The following ABCC4 variants were observed in gnomAD, a reference collection of about 807,000 sequenced individuals.
The protein encoded by ABCC4 is ATP-binding cassette sub-family C member 4.
In ABCC4, 102 loss-of-function variants were observed where a neutral mutation model predicts 168.5. The observed-to-expected ratio is 0.61, with a 90% CI of 0.52 to 0.71. The LOEUF (loss-of-function observed/expected upper bound fraction) is 0.71, where lower values mean the gene tolerates loss of function less well. ABCC4 is among the 30% of genes least tolerant of loss of function. ABCC4 has a pLI of 0.00. For synonymous variants in ABCC4, 617 were observed against 590.7 expected, an observed-to-expected ratio of 1.04 and a Z score of -0.65; for missense variants, 1,402 against 1,605.8, an observed-to-expected ratio of 0.87 and a Z score of 2.17.
intron 11 of ABCC4, among the ~76,000 whole-genome samples, chr13:95,178,304 A>G (rs1223332997): frequency 6.6e-6 from 1 of 152,256 alleles, no homozygotes; most frequent in East Asian, 1.9e-4. Flanking sequence ...ATCTATTTTA[A>G]TGCTGTAGCT....
chr13:95,268,488 T>C (rs898736480), intron 1 of ABCC4, among the ~76,000 whole-genome samples: 3 of 150,722 alleles, frequency 2.0e-5, no homozygotes, highest in Non-Finnish European at 4.4e-5. Context: ...CTCTTTGCAG[T>C]TGAGATAAGA....
intron 21 of ABCC4, among the ~76,000 whole-genome samples, chr13:95,080,161 C>T (rs1199579134): frequency 6.6e-6 from 1 of 152,126 alleles, no homozygotes; most frequent in Non-Finnish European, 1.5e-5. Flanking sequence ...GATGAACGAA[C>T]ATGGGACACA....
At chr13:95,127,016 T>G (rs187638947) in intron 19 of ABCC4, among the ~76,000 whole-genome samples, 177 of 151,926 alleles carry the variant, frequency 1.2e-3, no homozygotes, top group African/African-American at 3.5e-3. Flanking sequence ...ACCTAAGCTG[T>G]CAGTTATAAA....
At chr13:95,146,841 T>C (rs1395967231) in intron 19 of ABCC4, among the ~76,000 whole-genome samples, 1 of 152,222 alleles carries the variant, frequency 6.6e-6, no homozygotes, top group South Asian at 2.1e-4. Context: ...ATTCCAAATG[T>C]ATTGTACCTC....
chr13:95,270,568 G>T (rs1231206581), intron 1 of ABCC4, among the ~76,000 whole-genome samples: 1 of 152,142 alleles, frequency 6.6e-6, no homozygotes, highest in Non-Finnish European at 1.5e-5. Flanking sequence ...GAGAAAGGGA[G>T]GTCTACCAGC....
chr13:95,244,459 C>T (rs2040031054), intron 3 of ABCC4, among the ~76,000 whole-genome samples: 1 of 151,012 alleles, frequency 6.6e-6, no homozygotes, highest in East Asian at 1.9e-4. Context: ...TGGCGTGCAC[C>T]TGTGGTCCTA....
intron 4 of ABCC4, among the ~76,000 whole-genome samples, chr13:95,214,571 A>G (rs1329054151): frequency 6.6e-6 from 1 of 152,058 alleles, no homozygotes; most frequent in East Asian, 1.9e-4. Flanking sequence ...ACAGAACAAT[A>G]TTTACAGTGC....
At chr13:95,197,057 A>T (rs555910857) in intron 8 of ABCC4, among the ~76,000 whole-genome samples, 1 of 152,256 alleles carries the variant, frequency 6.6e-6, no homozygotes, top group South Asian at 2.1e-4. Context: ...CCTGCTGGGA[A>T]CCAGCTCAGG....
At chr13:95,170,653 G>T in intron 13 of ABCC4, 25 bp from the exon 14 acceptor site, 1 of 1,447,394 alleles carries the variant, frequency 6.9e-7, no homozygotes. Context: ...GGCACAGGGT[G>T]AAAAAATGCA....
Position 95,071,743 on chromosome 13 carries a change from A to G in ABCC4, c.3129T>C (p.Phe1043=), listed in dbSNP as rs1260206038. ...PAWPHEGVII[F]DNVNFMYSPG... is the part of the protein sequence containing the mutation. ...GACTGTACATGAAGTTCACATTGTC[A>G]AAGATTATCACTCCTTCATGGGGCC... is the stretch of plus-strand genomic sequence containing the variant. The change falls in exon 25 of 31, where the codon TTT becomes TTC. Residue 1043 remains phenylalanine, a synonymous_variant. Transcript: ENST00000645237. The G allele has an allele frequency of 6.2e-7, 1 of 1,606,694 alleles. No homozygotes were observed. The highest frequency in any genetic ancestry group is 1.3e-5 in the African/African-American group (1 of 74,706).
At chr13:95,073,104 A>T in intron 24 of ABCC4, 100 bp downstream of exon 24, 1 of 891,132 alleles carries the variant, frequency 1.1e-6, no homozygotes, top group Non-Finnish European at 1.7e-6. Context: ...GTTACCAAAG[A>T]TGTAAAAATA....
At chr13:95,203,057 C>T (rs2038677708) in intron 8 of ABCC4, among the ~76,000 whole-genome samples, 1 of 152,124 alleles carries the variant, frequency 6.6e-6, no homozygotes, top group South Asian at 2.1e-4. Flanking sequence ...CCTCAGGCTT[C>T]AGTTTCTTTA....
Position 95,218,999 on chromosome 13 carries a change from GAA to G in ABCC4, c.532-8220_532-8219del, listed in dbSNP as rs1566540088. 2.1e-4 allele frequency among the ~76,000 whole-genome samples: 23 copies of G among 110,396 alleles called. 2 individuals carry two copies. The highest frequency in any genetic ancestry group is 7.4e-4 in the Admixed American group (8 of 10,780). The allele number at this position is 110,396 out of a possible 152,430, so 72.4% of individuals were successfully genotyped here. A position where few individuals can be genotyped will look rare whatever the true frequency, so the allele number is the denominator to read the frequency against. On this transcript the variant is annotated intron_variant, in intron 4 of 30. Transcript: ENST00000645237. Reference sequence around the variant, plus strand: ...AAAGAAAGAAAGAGTGAGAAAGAAAGAAAGAGTGAGAAAGAAAGGAAGGAAGG... The same window carrying G: ...AAAGAAAGAAAGAGTGAGAAAGAAAGAGAGTGAGAAAGAAAGGAAGGAAGG...
At position 95,177,711 on chromosome 13, in the gene ABCC4, C is replaced by T. The variant is rs781506182; in HGVS notation, c.1723G>A (p.Glu575Lys). 8.1e-6 allele frequency: 13 copies of T among 1,607,850 alleles called. No individual in the cohort carries two copies. Among genetic ancestry groups the T allele is most frequent in the South Asian group, 1.1e-5 (1 of 90,478 alleles). ...VDAEVSRHLF[E>K]LCICQILHEK... is the part of the protein sequence containing the mutation. Reference sequence around the variant, plus strand: ...TTAAGACACAAACACACTCACAGTTCGAACAAGTGTCTGCTAACTTCCGCA... The same window carrying T: ...TTAAGACACAAACACACTCACAGTTTGAACAAGTGTCTGCTAACTTCCGCA... The change falls in exon 13 of 31, where the codon GAA (glutamate) becomes AAA (lysine). Residue 575 changes from glutamate to lysine, a missense_variant. Glu to Lys is a moderately conservative substitution (Grantham distance 56, BLOSUM62 1). Around this residue, in one of 3 missense-constraint regions of ABCC4, gnomAD observed 1,007 missense variants for 1,127.3 expected, o/e 0.89. Transcript: ENST00000645237.
At chr13:95,132,275 G>C (rs1001559280) in intron 19 of ABCC4, among the ~76,000 whole-genome samples, 1 of 152,134 alleles carries the variant, frequency 6.6e-6, no homozygotes, top group African/African-American at 2.4e-5. Context: ...GAGTGTAGTG[G>C]CGTGATCTCG....
At chr13:95,251,684 C>T (rs1455734611) in intron 1 of ABCC4, among the ~76,000 whole-genome samples, 3 of 152,182 alleles carry the variant, frequency 2.0e-5, no homozygotes, top group Admixed American at 2.0e-4. Flanking sequence ...GGTTTGTGCT[C>T]AGACCTGCAG....
At position 95,247,813 on chromosome 13, in the gene ABCC4, C is replaced by G. The variant is rs756343609; in HGVS notation, c.75-60G>C. 9 of 1,386,530 alleles carry G rather than the reference C, an allele frequency of 6.5e-6. No individual in the cohort carries two copies. The African/African-American group carries it at 1.0e-4, about 15-fold the overall frequency. The allele number at this position is 1,386,530 out of a possible 1,614,324, so 85.9% of individuals were successfully genotyped here. A position where few individuals can be genotyped will look rare whatever the true frequency, so the allele number is the denominator to read the frequency against. The stretch of plus-strand genomic sequence containing the variant: ...TTACACATCCGTGTTTAAGTAGACT[C>G]CTACCTCCATGGGTTTTGCTTAAAC... On this transcript the variant is annotated intron_variant, in intron 1 of 30. Transcript: ENST00000645237.
chr13:95,218,917 GAGAAAGAAAGAGAAAGAA>G (rs2039207640), intron 4 of ABCC4, among the ~76,000 whole-genome samples: 6 of 36,042 alleles, frequency 1.7e-4, no homozygotes, highest in Non-Finnish European at 2.8e-4. Context: ...GAGAGAGAGA[GAGAAAGAAAGAGAAAGAA>G]AGAAAGAAAG....
chr13:95,234,595 C>T lies in ABCC4; in HGVS notation c.531+15G>A, dbSNP rs2039710551. ...CTTCAGGTGAGGTACATGTTTAATG[C>T]TGAATGTCACTTACCTTCCGATAAA... On this transcript the variant is annotated intron_variant, in intron 4 of 30. Coordinates refer to ENST00000645237, the MANE Select transcript of ABCC4 (RefSeq NM_005845.5). 3 of 1,603,202 alleles carry T rather than the reference C, an allele frequency of 1.9e-6. No individual in the cohort carries two copies. Among genetic ancestry groups the T allele is most frequent in the Non-Finnish European group, 2.6e-6 (3 of 1,170,376 alleles).
Sources: allele counts gnomAD v4.1 joint callset (sites outside exome capture counted in the v4.1 genomes callset), GRCh38; gene constraint gnomAD v4.1.1; regional missense constraint gnomAD v4.1.1; transcripts MANE v1.5; gene names NCBI Gene and HGNC (gene_info 2026-07-23, HGNC 2026-07-21).